The following DNAH5 variants were observed in gnomAD, a reference collection of about 807,000 sequenced individuals.
The protein encoded by DNAH5 is dynein axonemal heavy chain 5.
In DNAH5, 372 loss-of-function variants were observed where a neutral mutation model predicts 518.2. That is an observed-to-expected ratio of 0.72 (90% CI 0.66 to 0.78). The LOEUF is 0.78. Among genes scored for constraint, DNAH5 ranks in the 30% least tolerant of loss-of-function variants. DNAH5 has a pLI of 0.00. For missense variants in DNAH5, 5,523 were observed against 5,687.0 expected (o/e 0.97, Z 0.93); for synonymous variants, 2,039 against 2,025.9 (o/e 1.01, Z -0.17).
chr5:13,915,174 A>G (rs1416605631), intron 9 of DNAH5, among the ~76,000 whole-genome samples: 1 of 152,140 alleles, frequency 6.6e-6, no homozygotes, highest in Non-Finnish European at 1.5e-5. Context: ...TTTTTTGGAT[A>G]AAGCATAAGG....
intron 46 of DNAH5, among the ~76,000 whole-genome samples, chr5:13,808,734 C>T (rs1338665795): frequency 2.0e-5 from 3 of 151,642 alleles, no homozygotes; most frequent in East Asian, 2.0e-4. Context: ...CCGAGGCGGG[C>T]GGATCACGAG....
chr5:13,738,280 A>G (rs992577862), intron 65 of DNAH5, among the ~76,000 whole-genome samples: 2 of 152,086 alleles, frequency 1.3e-5, no homozygotes, highest in Non-Finnish European at 2.9e-5. Context: ...AAGGGGAAAT[A>G]TATTTGAAGA....
chr5:13,712,423 G>C (rs963885709), intron 75 of DNAH5, among the ~76,000 whole-genome samples: 2 of 152,152 alleles, frequency 1.3e-5, no homozygotes, highest in African/African-American at 4.8e-5. Flanking sequence ...AGGATTTCAT[G>C]ACCAAGAACT....
intron 30 of DNAH5, among the ~76,000 whole-genome samples, chr5:13,857,807 A>G (rs1767840650): frequency 6.6e-6 from 1 of 152,244 alleles, no homozygotes; most frequent in Admixed American, 6.5e-5. Context: ...CTGGCTAGCC[A>G]TATGCAGAAA....
chr5:13,713,473 A>C (rs1281823448), intron 75 of DNAH5, among the ~76,000 whole-genome samples: 1 of 129,230 alleles, frequency 7.7e-6, no homozygotes. Flanking sequence ...ATATACACAC[A>C]CCGATATATA....
At chr5:13,736,564 T>G (rs545866416) in intron 66 of DNAH5, among the ~76,000 whole-genome samples, 1 of 152,040 alleles carries the variant, frequency 6.6e-6, no homozygotes, top group East Asian at 1.9e-4. Flanking sequence ...CTGGCTAATT[T>G]TTTTTTCTCT....
intron 16 of DNAH5, among the ~76,000 whole-genome samples, chr5:13,892,199 C>G (rs1477130697): frequency 6.6e-6 from 1 of 152,214 alleles, no homozygotes; most frequent in Non-Finnish European, 1.5e-5. Context: ...AGAGCCAACA[C>G]TTTCACTTAA....
At chr5:13,998,831 T>G (rs543684493) in intron 1 of DNAH5, among the ~76,000 whole-genome samples, 3 of 152,178 alleles carry the variant, frequency 2.0e-5, no homozygotes, top group African/African-American at 7.2e-5. Flanking sequence ...CACACATTCA[T>G]ATTGCTTGAG....
At chr5:13,837,145 A>G (rs1283016771) in intron 35 of DNAH5, among the ~76,000 whole-genome samples, 2 of 152,262 alleles carry the variant, frequency 1.3e-5, no homozygotes, top group East Asian at 3.8e-4. Flanking sequence ...CCCACGTCAG[A>G]CTTCTGATGG....
chr5:13,900,388 C>T lies in DNAH5; in HGVS notation c.2077G>A (p.Glu693Lys). The change falls in exon 15 of 79, where the codon GAG (glutamate) becomes AAG (lysine). Residue 693 changes from glutamate to lysine, a missense_variant. Glu to Lys is a moderately conservative substitution (Grantham distance 56). Coordinates refer to ENST00000265104, the MANE Select transcript of DNAH5 (RefSeq NM_001369.3). Reference sequence around the variant, plus strand: ...GGAGCCTTCACCAATAATGAAGCCTCAAGACCTACATGAATTTCTTCAATC... The same window carrying T: ...GGAGCCTTCACCAATAATGAAGCCTTAAGACCTACATGAATTTCTTCAATC... ...RQIEEIHVGL[E>K]ASLLVKAPGT... is the part of the protein sequence containing the mutation. 6.2e-7 allele frequency: 1 copy of T among 1,614,122 alleles called. No homozygotes were observed. Among genetic ancestry groups the T allele is most frequent in the South Asian group, 1.1e-5 (1 of 91,078 alleles).
chr5:13,863,789 A>C (rs1768820642), intron 28 of DNAH5, among the ~76,000 whole-genome samples: 1 of 152,162 alleles, frequency 6.6e-6, no homozygotes, highest in African/African-American at 2.4e-5. Flanking sequence ...CCCCTGCTGA[A>C]AACACACCTC....
chr5:13,966,373 T>C (rs1162810851), intron 1 of DNAH5, among the ~76,000 whole-genome samples: 1 of 152,220 alleles, frequency 6.6e-6, no homozygotes, highest in Non-Finnish European at 1.5e-5. Context: ...TCTGGGTAGA[T>C]ACCCAGTAGT....
At chr5:13,830,518 CAATTGTTGAAAACAAATTTTAGCAA>C in intron 36 of DNAH5, 54 bp downstream of exon 36, 1 of 1,519,040 alleles carries the variant, frequency 6.6e-7, no homozygotes. Context: ...AAAATGTGGC[CAATTGTTGAAAACAAATTTTAGCAA>C]AATATTCCAC....
rs765235547 is a variant in DNAH5, at chr5:13,920,564, C to T, written c.714G>A (p.Thr238=). The T allele has an allele frequency of 1.9e-6, 3 of 1,614,068 alleles. No individual in the cohort carries two copies. The highest frequency in any genetic ancestry group is 1.1e-5 in the South Asian group (1 of 91,072). Residue 238 remains threonine, a synonymous_variant, in exon 6 of 79, where the codon ACG becomes ACA. Coordinates refer to ENST00000265104, the MANE Select transcript of DNAH5 (RefSeq NM_001369.3). ...GGTTATTTGCTAGAGTCAAGTAGTC[C>T]GTAGGTTCCTTTAGGGTTTTCAGTT... is the stretch of plus-strand genomic sequence containing the variant. ...ILELKTLKEP[T]DYLTLANNPE...
intron 1 of DNAH5, among the ~76,000 whole-genome samples, chr5:13,979,029 C>T (rs894378853): frequency 7.2e-4 from 110 of 152,188 alleles, no homozygotes; most frequent in African/African-American, 2.5e-3. Context: ...TCCACGAAGG[C>T]CTCGAGAACC....
At chr5:13,855,708 A>G (rs6554822) in intron 30 of DNAH5, among the ~76,000 whole-genome samples, 66,732 of 152,014 alleles carry the variant, frequency 0.44, 14,874 homozygotes, top group South Asian at 0.5. Context: ...TCTCAGCACC[A>G]CATCATACTT....
chr5:13,779,115 A>G (rs954336228), intron 53 of DNAH5, among the ~76,000 whole-genome samples: 2 of 152,226 alleles, frequency 1.3e-5, no homozygotes, highest in African/African-American at 2.4e-5. Context: ...TTTGAAGATC[A>G]AATTAGCTCA....
chr5:13,963,836 G>A (rs554174867), intron 1 of DNAH5, among the ~76,000 whole-genome samples: 10 of 152,044 alleles, frequency 6.6e-5, no homozygotes, highest in Non-Finnish European at 1.0e-4. Context: ...CGACAGGCAT[G>A]TGCCACCACG....
rs888863505 is a variant in DNAH5, at chr5:13,883,229, A to G, written c.2984-135T>C. 9 of 982,060 alleles carry G rather than the reference A, an allele frequency of 9.2e-6. No individual in the cohort carries two copies. In the African/African-American group the frequency reaches 1.5e-4, roughly 16 times the overall value. 60.8% of individuals were successfully genotyped at this position (982,060 alleles called of 1,614,324 possible). ...AAATATTTGTTGAATGAATGAGTCA[A>G]TTAAAACTAATGGAGGATCTAGTAT... On this transcript the variant is annotated intron_variant, in intron 19 of 78. Coordinates refer to ENST00000265104, the MANE Select transcript of DNAH5 (RefSeq NM_001369.3).
Sources: gnomAD v4.1 joint callset for allele counts (sites outside exome capture counted in the v4.1 genomes callset) on GRCh38, gnomAD v4.1.1 for gene constraint, MANE v1.5 for transcripts, NCBI Gene and HGNC (gene_info 2026-07-23, HGNC 2026-07-21) for gene names.